FRAS1: variants seen among roughly 807,000 people sequenced by gnomAD.
FRAS1 encodes extracellular matrix organizing protein FRAS1.
In FRAS1, 290 loss-of-function variants were observed where a neutral mutation model predicts 435.2. The ratio of observed to expected loss-of-function variants is 0.67; its 90% CI spans 0.61 to 0.73. FRAS1 has a LOEUF of 0.73. Ranked by LOEUF, FRAS1 falls within the 30% of genes least tolerant of loss-of-function variation. FRAS1 has a pLI of 0.00. For synonymous variants in FRAS1, 1,800 were observed against 1,851.0 expected, an observed-to-expected ratio of 0.97 and a Z score of 0.71; for missense variants, 4,860 against 5,001.5, an observed-to-expected ratio of 0.97 and a Z score of 0.85.
Position 78,311,499 on chromosome 4 carries a change from C to G in FRAS1, c.1678+3290C>G, listed in dbSNP as rs146277910. ...CAGTGTTGGACTCCCTCCTTTTTCT[C>G]CATCTGCATCACTAGAGAGCACCAG... On this transcript the variant is annotated intron_variant, in intron 15 of 73. Coordinates refer to ENST00000512123, the MANE Select transcript of FRAS1 (RefSeq NM_025074.7). Among the ~76,000 whole-genome samples the G allele has an allele frequency of 5.0e-3, 756 of 152,296 alleles. 5 individuals are homozygous for G. Among genetic ancestry groups the G allele is most frequent in the African/African-American group, 0.017 (709 of 41,558 alleles).
chr4:78,079,410 T>C (rs1367619405), intron 2 of FRAS1, among the ~76,000 whole-genome samples: 1 of 152,088 alleles, frequency 6.6e-6, no homozygotes, highest in East Asian at 1.9e-4. Context: ...CAAGGTTCTT[T>C]CTCAAAGATA....
chr4:78,157,292 G>A (rs945248552), intron 2 of FRAS1, among the ~76,000 whole-genome samples: 1 of 152,288 alleles, frequency 6.6e-6, no homozygotes, highest in Admixed American at 6.5e-5. Flanking sequence ...ACATGTACAT[G>A]CATATGTCTT....
chr4:78,234,372 C>A (rs1003641425), intron 2 of FRAS1, among the ~76,000 whole-genome samples: 1 of 152,054 alleles, frequency 6.6e-6, no homozygotes, highest in Admixed American at 6.6e-5. Context: ...ACTACAGGCA[C>A]CCGCCACTGC....
intron 65 of FRAS1, among the ~76,000 whole-genome samples, chr4:78,514,679 T>C (rs1161605155): frequency 6.6e-6 from 1 of 152,180 alleles, no homozygotes; most frequent in Non-Finnish European, 1.5e-5. Flanking sequence ...GAGTACCTAG[T>C]CATCATGGGG....
At chr4:78,226,565 C>G (rs1057094274) in intron 2 of FRAS1, among the ~76,000 whole-genome samples, 4 of 151,228 alleles carry the variant, frequency 2.6e-5, no homozygotes, top group African/African-American at 9.7e-5. Context: ...TCAGTTTTGG[C>G]ATTTTTATTT....
At chr4:78,105,172 A>G (rs1344015871) in intron 2 of FRAS1, among the ~76,000 whole-genome samples, 1 of 152,198 alleles carries the variant, frequency 6.6e-6, no homozygotes, top group Non-Finnish European at 1.5e-5. Context: ...GGCAGAATTT[A>G]GGCTTGGCTT....
At chr4:78,294,526 C>A (rs770974986) in intron 14 of FRAS1, among the ~76,000 whole-genome samples, 1 of 152,178 alleles carries the variant, frequency 6.6e-6, no homozygotes, top group Non-Finnish European at 1.5e-5. Context: ...GATAACTTTA[C>A]CAGATACTCC....
intron 22 of FRAS1, among the ~76,000 whole-genome samples, chr4:78,367,759 A>C (rs1328019561): frequency 6.6e-6 from 1 of 152,036 alleles, no homozygotes; most frequent in African/African-American, 2.4e-5. Flanking sequence ...TCACTTGGTT[A>C]CTGTAGGTTC....
At chr4:78,459,065 G>A (rs375203630) in intron 47 of FRAS1, among the ~76,000 whole-genome samples, 2 of 152,208 alleles carry the variant, frequency 1.3e-5, no homozygotes, top group African/African-American at 4.8e-5. Flanking sequence ...AATCACCTGA[G>A]TGAGTGGCAT....
At chr4:78,347,752 T>C (rs1040511227) in intron 20 of FRAS1, among the ~76,000 whole-genome samples, 1 of 79,144 alleles carries the variant, frequency 1.3e-5, no homozygotes, top group African/African-American at 3.4e-5. Context: ...GGGATGTGTA[T>C]GTGTGTGTGT....
rs1490529667 is a variant in FRAS1 at position 78,284,515 on chromosome 4, C to T, written c.1366C>T (p.Leu456=). The T allele has an allele frequency of 1.2e-6, 2 of 1,612,160 alleles. No individual in the cohort carries two copies. The highest frequency in any genetic ancestry group is 1.7e-6 in the Non-Finnish European group (2 of 1,179,148). Residue 456 remains leucine, a synonymous_variant, in exon 13 of 74, where the codon CTG becomes TTG. Transcript: ENST00000512123. ...QNGWCVHSCG[L]GFYQAGSLCL... ...TGGATGGTGTGTGCACAGCTGTGGA[C>T]TGGGTTTTTACCAAGCTGGCAGTCT...
intron 1 of FRAS1, among the ~76,000 whole-genome samples, chr4:78,061,134 A>G (rs768375882): frequency 1.3e-5 from 2 of 152,214 alleles, no homozygotes; most frequent in African/African-American, 2.4e-5. Flanking sequence ...GGTGTGAGCC[A>G]CTGTGCCTGG....
chr4:78,079,839 A>G (rs1404153263), intron 2 of FRAS1, among the ~76,000 whole-genome samples: 1 of 152,116 alleles, frequency 6.6e-6, no homozygotes, highest in East Asian at 1.9e-4. Context: ...AAACCTTATG[A>G]TTTACTACAC....
intron 13 of FRAS1, among the ~76,000 whole-genome samples, chr4:78,285,092 T>C (rs1727519362): frequency 6.6e-6 from 1 of 152,196 alleles, no homozygotes; most frequent in Admixed American, 6.5e-5. Flanking sequence ...TGTGCATTTC[T>C]GGATGCTACA....
At chr4:78,188,193 T>C (rs1342396449) in intron 2 of FRAS1, among the ~76,000 whole-genome samples, 3 of 152,158 alleles carry the variant, frequency 2.0e-5, no homozygotes, top group South Asian at 2.1e-4. Context: ...ATAAACTTGA[T>C]TCCTTCCTCT....
intron 20 of FRAS1, among the ~76,000 whole-genome samples, chr4:78,347,419 A>G (rs980019239): frequency 5.3e-5 from 8 of 152,182 alleles, no homozygotes; most frequent in Non-Finnish European, 8.8e-5. Flanking sequence ...TTGGTTTATA[A>G]AACACTCTTT....
At chr4:78,118,596 G>A (rs1016887802) in intron 2 of FRAS1, among the ~76,000 whole-genome samples, 5 of 152,144 alleles carry the variant, frequency 3.3e-5, no homozygotes, top group South Asian at 2.1e-4. Flanking sequence ...GCGAGGCTCC[G>A]TGGGCATAGG....
At chr4:78,281,552 G>A (rs988878306) in intron 11 of FRAS1, 119 bp downstream of exon 11, 2 of 575,326 alleles carry the variant, frequency 3.5e-6, no homozygotes, top group African/African-American at 4.0e-5. Context: ...ACATTTGATG[G>A]CACTATGATC....
intron 31 of FRAS1, among the ~76,000 whole-genome samples, 194 bp from the exon 32 acceptor site, chr4:78,412,775 A>T (rs1188922419): frequency 1.3e-5 from 2 of 152,184 alleles, no homozygotes; most frequent in Non-Finnish European, 2.9e-5. Flanking sequence ...CTTAAAATGA[A>T]ATCAGTAAAA....
Sources: gnomAD v4.1 joint callset for allele counts (sites outside exome capture counted in the v4.1 genomes callset) on GRCh38, gnomAD v4.1.1 for gene constraint, MANE v1.5 for transcripts, NCBI Gene and HGNC (gene_info 2026-07-23, HGNC 2026-07-21) for gene names.